Variants in KANSL1L observed in about 807,000 individuals in gnomAD.
KANSL1L encodes KAT8 regulatory NSL complex subunit 1 like.
In KANSL1L, 25 loss-of-function variants were observed where a neutral mutation model predicts 108.6. The ratio of observed to expected loss-of-function variants is 0.23; its 90% CI spans 0.17 to 0.32. The LOEUF (loss-of-function observed/expected upper bound fraction) is 0.32. Ranked by LOEUF, KANSL1L falls within the 10% of genes least tolerant of loss-of-function variation. The pLI, the probability that KANSL1L is intolerant of heterozygous loss-of-function variation, is 1.00. For missense variants in KANSL1L, 1,137 were observed against 1,125.7 expected (o/e 1.01, Z -0.14); for synonymous variants, 405 against 395.1 (o/e 1.03, Z -0.30).
At position 210,171,224 on chromosome 2, in the gene KANSL1L, T is replaced by C. The variant is rs1283285923; in HGVS notation, c.-105A>G. 1 of 157,184 alleles carries C rather than the reference T, an allele frequency of 6.4e-6. No individual in the cohort carries two copies. The highest frequency in any genetic ancestry group is 1.4e-5 in the Non-Finnish European group (1 of 71,630). The allele number at this position is 157,184 out of a possible 1,614,324, so 9.7% of individuals were successfully genotyped here. A position where few individuals can be genotyped will look rare whatever the true frequency, so the allele number is the denominator to read the frequency against. Reference sequence around the variant, plus strand: ...TGGTGGGGGCTGCTGAGGTGATCTCTAGCTGCCCGCCCGCCTCCCCCACCC... The same window carrying C: ...TGGTGGGGGCTGCTGAGGTGATCTCCAGCTGCCCGCCCGCCTCCCCCACCC... On this transcript the variant is annotated 5_prime_UTR_variant, in exon 1 of 15. Transcript: ENST00000281772.
chr2:210,051,552 T>C (rs1340084103), intron 6 of KANSL1L, among the ~76,000 whole-genome samples: 2 of 152,228 alleles, frequency 1.3e-5, no homozygotes, highest in Non-Finnish European at 2.9e-5. Flanking sequence ...TTGGATTTTC[T>C]ATGAAATTAC....
chr2:210,157,024 T>TTA (rs1399142679), intron 1 of KANSL1L, among the ~76,000 whole-genome samples: 1 of 151,992 alleles, frequency 6.6e-6, no homozygotes, highest in East Asian at 1.9e-4. Flanking sequence ...TTTTTTCAGT[T>TTA]TATACTCTTT....
In KANSL1L at chr2:210,140,505, T is replaced by C. The variant is rs911244975; in HGVS notation, c.1089-11333A>G. ...TTTCTAGGCTCTCTATTCTGTTTCA[T>C]AGGCATATGTGTGTTTTTAATTCCA... On this transcript the variant is annotated intron_variant, in intron 2 of 14. Coordinates refer to ENST00000281772, the MANE Select transcript of KANSL1L (RefSeq NM_152519.4). 2.6e-5 allele frequency among the ~76,000 whole-genome samples: 4 copies of C among 152,336 alleles called. No individual in the cohort carries two copies. The South Asian group carries it at 6.2e-4, about 24-fold the overall frequency.
chr2:210,040,991 T>G (rs2094158087), intron 7 of KANSL1L, among the ~76,000 whole-genome samples: 1 of 152,154 alleles, frequency 6.6e-6, no homozygotes, highest in African/African-American at 2.4e-5. Flanking sequence ...TTTAACGTCT[T>G]GGGAGAAAAC....
At chr2:210,023,778 G>C (rs757975512) in intron 14 of KANSL1L, among the ~76,000 whole-genome samples, 1 of 152,136 alleles carries the variant, frequency 6.6e-6, no homozygotes, top group African/African-American at 2.4e-5. Flanking sequence ...AATCAGGTTT[G>C]TTTCGTAATG....
intron 6 of KANSL1L, among the ~76,000 whole-genome samples, chr2:210,066,977 GA>G (rs1300228064): frequency 1.3e-5 from 2 of 152,216 alleles, no homozygotes; most frequent in African/African-American, 4.8e-5. Flanking sequence ...ACTGAGTAGA[GA>G]AGATCACCCT....
At position 210,022,839 on chromosome 2, in the gene KANSL1L, T is replaced by C. The variant is rs1161427283; in HGVS notation, c.*110A>G. 1 of 741,932 alleles carries C rather than the reference T, an allele frequency of 1.3e-6. No homozygotes were observed. Among genetic ancestry groups the C allele is most frequent in the Non-Finnish European group, 2.2e-6 (1 of 447,400 alleles). The allele number at this position is 741,932 out of a possible 1,614,324, so 46.0% of individuals were successfully genotyped here. A position where few individuals can be genotyped will look rare whatever the true frequency, so the allele number is the denominator to read the frequency against. ...CTGTTTCATAAACAGCATAAAAGAT[T>C]AATACATGCAGAACATGCTCTTATT... is the stretch of plus-strand genomic sequence containing the variant. On this transcript the variant is annotated 3_prime_UTR_variant, in exon 15 of 15. Transcript: ENST00000281772.
At chr2:210,161,376 G>A (rs559315672) in intron 1 of KANSL1L, among the ~76,000 whole-genome samples, 363 of 144,754 alleles carry the variant, frequency 2.5e-3, no homozygotes, top group Non-Finnish European at 4.0e-3. Context: ...GACATCCATA[G>A]GGAAAAAAAA....
intron 1 of KANSL1L, 68 bp from the exon 2 acceptor site, chr2:210,154,679 G>T: frequency 2.2e-6 from 2 of 920,032 alleles, no homozygotes; most frequent in Non-Finnish European, 3.0e-6. Context: ...TTTTTTCTAA[G>T]GGCAACATGT....
chr2:210,085,494 A>G (rs2094628553), intron 5 of KANSL1L, among the ~76,000 whole-genome samples: 1 of 152,166 alleles, frequency 6.6e-6, no homozygotes, highest in Non-Finnish European at 1.5e-5. Flanking sequence ...TCTACCTGAT[A>G]ATTGAGACAT....
chr2:210,073,999 A>G (rs1458572515), intron 6 of KANSL1L, among the ~76,000 whole-genome samples: 2 of 152,230 alleles, frequency 1.3e-5, no homozygotes, highest in East Asian at 3.8e-4. Context: ...AAAGTCAGAA[A>G]AGAAATGATT....
intron 12 of KANSL1L, among the ~76,000 whole-genome samples, chr2:210,026,973 G>C (rs1055558022): frequency 6.6e-6 from 1 of 152,048 alleles, no homozygotes. Context: ...GGGTTTCACC[G>C]TGTTAGCTAG....
intron 4 of KANSL1L, 138 bp from the exon 5 acceptor site, chr2:210,098,345 C>A: frequency 2.8e-6 from 2 of 713,670 alleles, no homozygotes; most frequent in Non-Finnish European, 4.5e-6. Context: ...TTGACAAAGA[C>A]AATTTATACA....
chr2:210,161,680 C>T (rs925647214), intron 1 of KANSL1L, among the ~76,000 whole-genome samples: 2 of 152,100 alleles, frequency 1.3e-5, no homozygotes, highest in African/African-American at 2.4e-5. Context: ...TTCAAGAGTT[C>T]GTAGAAATTA....
chr2:210,154,579 T>A lies in KANSL1L; in HGVS notation c.4A>T (p.Thr2Ser). Residue 2 changes from threonine to serine, a missense_variant, in exon 2 of 15, where the codon ACC becomes TCC. Physicochemically the swap from Thr to Ser is moderately conservative, Grantham distance 58. This residue lies in a region of KANSL1L where 556 missense variants were observed against 537.7 expected (regional missense o/e 1.03). Transcript: ENST00000281772. M[T>S]PALREATAKG... ...GCTGTTGCCTCCCTCAGAGCTGGGGTCATGGCGATTCCTGTAGATAAGTAT... is the reference window on the plus strand; with the variant it reads ...GCTGTTGCCTCCCTCAGAGCTGGGGACATGGCGATTCCTGTAGATAAGTAT... 1.3e-6 allele frequency: 2 copies of A among 1,490,888 alleles called. No homozygotes were observed. The highest frequency in any genetic ancestry group is 4.7e-5 in the Admixed American group (2 of 42,826). The allele number at this position is 1,490,888 out of a possible 1,614,324, so 92.4% of individuals were successfully genotyped here.
chr2:210,141,382 C>A (rs887182051), intron 2 of KANSL1L, among the ~76,000 whole-genome samples: 2 of 151,980 alleles, frequency 1.3e-5, no homozygotes, highest in African/African-American at 4.8e-5. Context: ...AGAGGGTGAG[C>A]CTTTGGAGAT....
Position 210,104,235 on chromosome 2 carries a change from C to T in KANSL1L, c.1297G>A (p.Asp433Asn). Residue 433 changes from aspartate to asparagine, a missense_variant, in exon 4 of 15, where the codon GAC (aspartate) becomes AAC (asparagine). Transcript: ENST00000281772. Reference protein sequence around the residue: ...DILKKQMQFADQAASLNILGN... With the variant: ...DILKKQMQFANQAASLNILGN... ...AGAATGTTTAGTGAAGCTGCTTGGTCTGCAAATTGCATTTGTTTTTTCAAA... is the reference window on the plus strand; with the variant it reads ...AGAATGTTTAGTGAAGCTGCTTGGTTTGCAAATTGCATTTGTTTTTTCAAA... 1 of 1,613,852 alleles carries T rather than the reference C, an allele frequency of 6.2e-7. No individual in the cohort carries two copies. Among genetic ancestry groups the T allele is most frequent in the Non-Finnish European group, 8.5e-7 (1 of 1,179,850 alleles).
At chr2:210,097,574 TATAG>T (rs1200096035) in intron 5 of KANSL1L, among the ~76,000 whole-genome samples, 1 of 152,136 alleles carries the variant, frequency 6.6e-6, no homozygotes, top group East Asian at 1.9e-4. Flanking sequence ...TTTTTGCTAA[TATAG>T]ATAAATTGTT....
upstream of KANSL1L, among the ~76,000 whole-genome samples, chr2:210,171,995 TA>T (rs71043977): frequency 2.7e-5 from 4 of 145,608 alleles, no homozygotes; most frequent in Admixed American, 6.8e-5. Flanking sequence ...GTTTTATGAT[TA>T]AAAAAAAAAA....
Sources: gnomAD v4.1 joint callset for allele counts (sites outside exome capture counted in the v4.1 genomes callset) on GRCh38, gnomAD v4.1.1 for gene constraint, gnomAD v4.1.1 regional missense constraint, MANE v1.5 for transcripts, NCBI Gene and HGNC (gene_info 2026-07-23, HGNC 2026-07-21) for gene names.